The following PDE8B variants were observed in gnomAD, a reference collection of about 807,000 sequenced individuals.
PDE8B encodes the protein high affinity cAMP-specific and IBMX-insensitive 3',5'-cyclic phosphodiesterase 8B.
In PDE8B, 26 loss-of-function variants were observed where a neutral mutation model predicts 101.3. That is an observed-to-expected ratio of 0.26 (90% CI 0.19 to 0.36). The LOEUF (loss-of-function observed/expected upper bound fraction) is 0.36, where lower values mean the gene tolerates loss of function less well. PDE8B is among the 10% of genes least tolerant of loss of function. PDE8B has a pLI of 1.00. For synonymous variants in PDE8B, 424 were observed against 429.3 expected (o/e 0.99, Z 0.15); for missense variants, 810 against 1,163.1 (o/e 0.70, Z 4.42).
At chr5:77,361,663 C>G (rs561742158) in intron 10 of PDE8B, among the ~76,000 whole-genome samples, 3 of 151,952 alleles carry the variant, frequency 2.0e-5, no homozygotes, top group African/African-American at 7.3e-5. Context: ...TACAGGCGCC[C>G]GCTACCTCAC....
At chr5:77,418,504 A>AT in intron 18 of PDE8B, 58 bp downstream of exon 18, 1 of 1,177,118 alleles carries the variant, frequency 8.5e-7, no homozygotes. Flanking sequence ...GTTTTCCCAA[A>AT]TACTTAGCTT....
At position 77,337,286 on chromosome 5, in the gene PDE8B, T is replaced by C. The variant is rs974753737; in HGVS notation, c.768T>C (p.His256=). 6.3e-7 allele frequency: 1 copy of C among 1,593,852 alleles called. No individual in the cohort carries two copies. Among genetic ancestry groups the C allele is most frequent in the South Asian group, 1.1e-5 (1 of 89,856 alleles). ...ATAATGAACTGATTCAAATAGAACA[T>C]GGGGAAGTTCGCTCCCAGTTCAAAT... ...ACYNELIQIE[H]GEVRSQFKLR... Residue 256 remains histidine (H), a synonymous_variant, in exon 6 of 22, where the codon CAT becomes CAC. Transcript: ENST00000264917.
chr5:77,354,251 G>T (rs1251961603), intron 10 of PDE8B, among the ~76,000 whole-genome samples: 2 of 152,172 alleles, frequency 1.3e-5, no homozygotes, highest in Non-Finnish European at 2.9e-5. Flanking sequence ...GTAGACAGTG[G>T]GGTGAGCCCA....
chr5:77,382,055 A>G (rs1373615310), intron 10 of PDE8B, among the ~76,000 whole-genome samples: 2 of 152,180 alleles, frequency 1.3e-5, no homozygotes, highest in Admixed American at 6.5e-5. Context: ...TCAGACTTCC[A>G]ATTTTCAGCC....
chr5:77,356,605 T>A (rs1287416104), intron 10 of PDE8B, among the ~76,000 whole-genome samples: 1 of 152,108 alleles, frequency 6.6e-6, no homozygotes, highest in Non-Finnish European at 1.5e-5. Context: ...AATTTTTGTA[T>A]TTTTTGTGGA....
At chr5:77,381,362 A>C (rs1390516148) in intron 10 of PDE8B, among the ~76,000 whole-genome samples, 1 of 152,198 alleles carries the variant, frequency 6.6e-6, no homozygotes, top group Non-Finnish European at 1.5e-5. Context: ...AGGAGAGAGA[A>C]GGAAGCAGCA....
At chr5:77,182,345 G>C in the PDE8B span, among the ~76,000 whole-genome samples, 5 of 151,790 alleles carry the variant, frequency 3.3e-5, no homozygotes, top group East Asian at 7.7e-4. Flanking sequence ...AAATCATTCA[G>C]GCTTAAAGAT....
the PDE8B span, among the ~76,000 whole-genome samples, chr5:77,091,649 TAATA>T: frequency 6.6e-6 from 1 of 151,800 alleles, no homozygotes; most frequent in Non-Finnish European, 1.5e-5. Flanking sequence ...TGAAAAATAA[TAATA>T]AAATAAAATA....
chr5:77,355,284 T>C (rs368621717), intron 10 of PDE8B, among the ~76,000 whole-genome samples: 1 of 152,222 alleles, frequency 6.6e-6, no homozygotes, highest in Non-Finnish European at 1.5e-5. Context: ...CCCTGAGCCA[T>C]TGACGTCACC....
At chr5:77,128,555 TC>T in the PDE8B span, among the ~76,000 whole-genome samples, 6 of 152,152 alleles carry the variant, frequency 3.9e-5, no homozygotes, top group African/African-American at 1.4e-4. Flanking sequence ...AAGCTACAGA[TC>T]CAGTGTCTGG....
At chr5:77,404,847 T>G (rs1793105956) in intron 12 of PDE8B, 50 bp downstream of exon 12, 2 of 1,159,670 alleles carry the variant, frequency 1.7e-6, no homozygotes, top group Non-Finnish European at 2.6e-6. Flanking sequence ...TAGAAAATGA[T>G]GGAAGAATAT....
At chr5:77,347,119 A>G (rs750452626) in intron 7 of PDE8B, among the ~76,000 whole-genome samples, 3 of 152,090 alleles carry the variant, frequency 2.0e-5, no homozygotes, top group Non-Finnish European at 4.4e-5. Context: ...GCCCCCATCT[A>G]TCTAAACTCT....
At chr5:77,339,417 A>T (rs1300704786) in intron 6 of PDE8B, among the ~76,000 whole-genome samples, 1 of 152,170 alleles carries the variant, frequency 6.6e-6, no homozygotes, top group Non-Finnish European at 1.5e-5. Context: ...GTTCTGCCTC[A>T]ACCTTATTCA....
intron 6 of PDE8B, among the ~76,000 whole-genome samples, chr5:77,340,396 T>C (rs1581133978): frequency 6.6e-6 from 1 of 152,186 alleles, no homozygotes; most frequent in Non-Finnish European, 1.5e-5. Context: ...AACTGAGCTG[T>C]GAAGGCTTAA....
intron 1 of PDE8B, among the ~76,000 whole-genome samples, chr5:77,218,606 G>A (rs1319720265): frequency 6.6e-6 from 1 of 152,212 alleles, no homozygotes; most frequent in Non-Finnish European, 1.5e-5. Flanking sequence ...TCGTGAGTGA[G>A]ATTTTTCCTT....
chr5:77,279,903 T>G lies in PDE8B; in HGVS notation c.340-32091T>G, dbSNP rs536236907. ...AGGGAGGCAGAGCATCCTTGTCTTA[T>G]GCTGCACTTGAGCAATATAGGTAGT... On this transcript the variant is annotated intron_variant, in intron 1 of 21. Transcript: ENST00000264917. Among the ~76,000 whole-genome samples, 247 of 152,326 alleles carry G rather than the reference T, an allele frequency of 1.6e-3. 2 individuals carry two copies. The highest frequency in any genetic ancestry group is 5.7e-3 in the African/African-American group (237 of 41,580).
At chr5:77,387,989 AG>A (rs1220668961) in intron 10 of PDE8B, among the ~76,000 whole-genome samples, 1 of 151,986 alleles carries the variant, frequency 6.6e-6, no homozygotes, top group Admixed American at 6.6e-5. Context: ...CCTTTTTTCA[AG>A]GTTCTTAGTT....
chr5:77,371,094 A>G (rs1165275868), intron 10 of PDE8B, among the ~76,000 whole-genome samples: 1 of 152,130 alleles, frequency 6.6e-6, no homozygotes, highest in South Asian at 2.1e-4. Flanking sequence ...TGAGTTTCCT[A>G]TTCATTTAAC....
chr5:77,353,869 T>C (rs1054160284), intron 10 of PDE8B, among the ~76,000 whole-genome samples: 6 of 152,208 alleles, frequency 3.9e-5, no homozygotes, highest in Admixed American at 2.6e-4. Context: ...GTAACAGAAT[T>C]TTAAGAAGCC....
Sources: allele counts gnomAD v4.1 joint callset (sites outside exome capture counted in the v4.1 genomes callset), GRCh38; gene constraint gnomAD v4.1.1; transcripts MANE v1.5; gene names NCBI Gene and HGNC (gene_info 2026-07-23, HGNC 2026-07-21).